Variants in FRMD3 observed in about 807,000 individuals in gnomAD.
The protein encoded by FRMD3 is FERM domain-containing protein 3.
FRMD3 carries 33 observed loss-of-function variants against 70.2 expected under a neutral mutation model. That is an observed-to-expected ratio of 0.47 (90% CI 0.36 to 0.63). The LOEUF (loss-of-function observed/expected upper bound fraction) is 0.63. Among genes scored for constraint, FRMD3 ranks in the 20% least tolerant of loss-of-function variants. The pLI is 0.00. For synonymous variants in FRMD3, 279 were observed against 255.9 expected (o/e 1.09, Z -0.86); for missense variants, 632 against 711.4 (o/e 0.89, Z 1.27).
At chr9:83,451,917 A>C (rs1260410966) in intron 1 of FRMD3, among the ~76,000 whole-genome samples, 1 of 152,232 alleles carries the variant, frequency 6.6e-6, no homozygotes, top group East Asian at 1.9e-4. Flanking sequence ...AATTATTCAT[A>C]ACTGTCAAGG....
At chr9:83,319,829 G>A (rs1278863872) in intron 6 of FRMD3, among the ~76,000 whole-genome samples, 1 of 152,200 alleles carries the variant, frequency 6.6e-6, no homozygotes, top group Admixed American at 6.5e-5. Context: ...TGTAAGATGT[G>A]ACTTGCTCCT....
intron 1 of FRMD3, among the ~76,000 whole-genome samples, chr9:83,416,247 T>C (rs1826438116): frequency 6.6e-6 from 1 of 152,208 alleles, no homozygotes; most frequent in Admixed American, 6.5e-5. Flanking sequence ...TTGTCTACAT[T>C]GATTTTCTTA....
the FRMD3 span, among the ~76,000 whole-genome samples, chr9:83,585,298 C>A: frequency 4.9e-4 from 74 of 152,288 alleles, no homozygotes; most frequent in East Asian, 0.012. Context: ...GGACCAAAGG[C>A]TTAAGGATCC....
intron 13 of FRMD3, among the ~76,000 whole-genome samples, chr9:83,250,365 C>T (rs1384018489): frequency 1.3e-5 from 2 of 151,950 alleles, no homozygotes; most frequent in South Asian, 2.1e-4. Flanking sequence ...TGTGGAGTCT[C>T]GGCAGAGCAG....
At chr9:83,562,725 C>T in the FRMD3 span, among the ~76,000 whole-genome samples, 1 of 152,086 alleles carries the variant, frequency 6.6e-6, no homozygotes, top group South Asian at 2.1e-4. Flanking sequence ...AAGGGTTTTA[C>T]CCTTTTTTAT....
Position 83,422,700 on chromosome 9 carries a change from C to G in FRMD3, c.148-32992G>C, listed in dbSNP as rs376901775. Among the ~76,000 whole-genome samples the G allele has an allele frequency of 9.9e-5, 15 of 152,218 alleles. 1 individual carries two copies. The South Asian group carries it at 3.1e-3, about 32-fold the overall frequency. On this transcript the variant is annotated intron_variant, in intron 1 of 13. Coordinates refer to ENST00000304195, the MANE Select transcript of FRMD3 (RefSeq NM_174938.6). ...GGTAAAATATGAGAGTGACTCCAGC[C>G]AGAACAGATGTTTGCATCATCACTT...
chr9:83,411,773 C>T (rs539733974), intron 1 of FRMD3, among the ~76,000 whole-genome samples: 2 of 152,316 alleles, frequency 1.3e-5, no homozygotes, highest in Admixed American at 6.5e-5. Flanking sequence ...TTGAAGTATG[C>T]AATTTTTCAC....
intron 1 of FRMD3, among the ~76,000 whole-genome samples, chr9:83,514,881 T>G: frequency 6.6e-6 from 1 of 152,042 alleles, no homozygotes; most frequent in East Asian, 1.9e-4. Flanking sequence ...GCATGACTGT[T>G]AGAAGGAAAA....
intron 1 of FRMD3, among the ~76,000 whole-genome samples, chr9:83,422,027 C>T (rs962432670): frequency 2.6e-5 from 4 of 152,156 alleles, no homozygotes; most frequent in African/African-American, 9.7e-5. Context: ...GTGTTCAAGA[C>T]CAGCCTGGCC....
chr9:83,340,023 T>C (rs1823703677), intron 5 of FRMD3, among the ~76,000 whole-genome samples: 1 of 152,172 alleles, frequency 6.6e-6, no homozygotes, highest in Non-Finnish European at 1.5e-5. Context: ...GTTTGAAGCT[T>C]CAGTATATTC....
intron 9 of FRMD3, 63 bp from the exon 10 acceptor site, chr9:83,309,687 T>G: frequency 1.0e-6 from 1 of 967,048 alleles, no homozygotes; most frequent in Middle Eastern, 3.1e-4. Context: ...TTCCATGGGT[T>G]TTTTTTTTTC....
At chr9:83,390,339 A>G (rs1201126781) in intron 1 of FRMD3, among the ~76,000 whole-genome samples, 1 of 152,216 alleles carries the variant, frequency 6.6e-6, no homozygotes, top group Non-Finnish European at 1.5e-5. Flanking sequence ...AGGAGGCAGC[A>G]TCTGGTGAGA....
At chr9:83,513,847 G>A (rs1829392782) in intron 1 of FRMD3, among the ~76,000 whole-genome samples, 1 of 152,166 alleles carries the variant, frequency 6.6e-6, no homozygotes, top group Non-Finnish European at 1.5e-5. Context: ...GCCTCACCCA[G>A]AAAACCCAAG....
At chr9:83,388,585 A>C (rs1214176837) in intron 2 of FRMD3, among the ~76,000 whole-genome samples, 3 of 152,190 alleles carry the variant, frequency 2.0e-5, no homozygotes, top group Non-Finnish European at 2.9e-5. Context: ...GTTCTGGCAT[A>C]TGCTACACTG....
At chr9:83,542,213 T>C (rs1435766262), upstream of FRMD3, among the ~76,000 whole-genome samples, 1 of 152,154 alleles carries the variant, frequency 6.6e-6, no homozygotes, top group African/African-American at 2.4e-5. Flanking sequence ...ACTGATATTC[T>C]TTACCAAAAA....
In FRMD3 at chr9:83,245,763, G is replaced by C. The variant is rs1832062732; in HGVS notation, c.*2155C>G. On this transcript the variant is annotated 3_prime_UTR_variant, in exon 14 of 14. Coordinates refer to ENST00000304195, the MANE Select transcript of FRMD3 (RefSeq NM_174938.6). ...GCATGATCAGAAGGGGACTAATTTT[G>C]TGCAGACTACACTAAAGTTGCCTTA... 1 of 984,556 alleles carries C rather than the reference G, an allele frequency of 1.0e-6. No homozygotes were observed. Among genetic ancestry groups the C allele is most frequent in the African/African-American group, 1.7e-5 (1 of 57,186 alleles). 61.0% of individuals were successfully genotyped at this position (984,556 alleles called of 1,614,324 possible).
chr9:83,368,429 T>A (rs3849864), intron 3 of FRMD3, among the ~76,000 whole-genome samples: 21,640 of 152,044 alleles, frequency 0.14, 1,680 homozygotes, highest in Non-Finnish European at 0.17. Flanking sequence ...CCTCCTGGGT[T>A]CACGCCATTC....
chr9:83,390,180 C>T (rs1825628416), intron 1 of FRMD3, among the ~76,000 whole-genome samples: 1 of 152,150 alleles, frequency 6.6e-6, no homozygotes, highest in African/African-American at 2.4e-5. Context: ...GGAAACTGAG[C>T]CACAAAGAGG....
the FRMD3 span, among the ~76,000 whole-genome samples, chr9:83,585,081 C>A: frequency 6.6e-6 from 1 of 152,096 alleles, no homozygotes; most frequent in African/African-American, 2.4e-5. Flanking sequence ...GGGAGACTGG[C>A]AAACCCTGAG....
Sources: gnomAD v4.1 joint callset for allele counts (sites outside exome capture counted in the v4.1 genomes callset) on GRCh38, gnomAD v4.1.1 for gene constraint, MANE v1.5 for transcripts, NCBI Gene and HGNC (gene_info 2026-07-23, HGNC 2026-07-21) for gene names.